LINGO2: variants seen among roughly 807,000 people sequenced by gnomAD.
LINGO2 encodes leucine-rich repeat and immunoglobulin-like domain-containing nogo receptor-interacting protein 2.
In LINGO2, 14 loss-of-function variants were observed where a neutral mutation model predicts 30.6. The observed-to-expected ratio is 0.46, with a 90% CI of 0.30 to 0.72. The LOEUF (loss-of-function observed/expected upper bound fraction) is 0.72, where lower values mean the gene tolerates loss of function less well. Among genes scored for constraint, LINGO2 ranks in the 30% least tolerant of loss-of-function variants. The pLI is 0.07. For synonymous variants in LINGO2, 317 were observed against 288.5 expected (o/e 1.10, Z -1.00); for missense variants, 729 against 751.7 (o/e 0.97, Z 0.35).
intron 1 of LINGO2, among the ~76,000 whole-genome samples, chr9:28,576,583 A>T (rs908151683): frequency 5.3e-5 from 8 of 152,218 alleles, no homozygotes; most frequent in Non-Finnish European, 8.8e-5. Context: ...TTAGGGTATA[A>T]CTTGAGAATA....
chr9:28,579,189 G>A (rs918718513), intron 1 of LINGO2, among the ~76,000 whole-genome samples: 32 of 151,946 alleles, frequency 2.1e-4, no homozygotes, highest in Admixed American at 1.4e-3. Context: ...TGAGAATCCT[G>A]AGAATTAGCA....
intron 2 of LINGO2, among the ~76,000 whole-genome samples, chr9:28,462,248 G>C (rs556368614): frequency 6.6e-6 from 1 of 151,990 alleles, no homozygotes; most frequent in East Asian, 1.9e-4. Flanking sequence ...AACTGTTGCA[G>C]AATCCCTAAG....
At chr9:29,029,668 A>G in the LINGO2 span, among the ~76,000 whole-genome samples, 1 of 152,116 alleles carries the variant, frequency 6.6e-6, no homozygotes, top group Non-Finnish European at 1.5e-5. Context: ...AAAGCCAAGA[A>G]AATGCATCAC....
intron 4 of LINGO2, among the ~76,000 whole-genome samples, chr9:28,293,967 T>A (rs1256680650): frequency 6.6e-6 from 1 of 152,186 alleles, no homozygotes; most frequent in African/African-American, 2.4e-5. Flanking sequence ...ATGTGAGTAA[T>A]CCACTTTGCC....
the LINGO2 span, among the ~76,000 whole-genome samples, chr9:29,022,363 G>A: frequency 5.3e-5 from 8 of 152,238 alleles, no homozygotes; most frequent in East Asian, 1.2e-3. Context: ...TCACACTCAC[G>A]CAGAATGGTG....
At chr9:28,490,461 T>C (rs16913201) in intron 1 of LINGO2, among the ~76,000 whole-genome samples, 2,227 of 152,256 alleles carry the variant, frequency 0.015, 53 homozygotes, top group African/African-American at 0.05. Context: ...GTAAATCTCA[T>C]AGAGTGGGAG....
intron 1 of LINGO2, among the ~76,000 whole-genome samples, chr9:28,646,977 C>G (rs1055750919): frequency 6.6e-6 from 1 of 151,962 alleles, no homozygotes. Flanking sequence ...AGACATAATT[C>G]CAGAATGTGG....
the LINGO2 span, among the ~76,000 whole-genome samples, chr9:28,874,744 TGAAATGC>T: frequency 6.6e-6 from 1 of 152,124 alleles, no homozygotes; most frequent in Non-Finnish European, 1.5e-5. Flanking sequence ...TTTCTAGATG[TGAAATGC>T]TTTACTTTTA....
At chr9:28,222,659 T>G (rs1821007456) in intron 4 of LINGO2, among the ~76,000 whole-genome samples, 1 of 152,206 alleles carries the variant, frequency 6.6e-6, no homozygotes, top group Admixed American at 6.5e-5. Flanking sequence ...TTTGATTTGG[T>G]TTAATAACTA....
Position 28,581,023 on chromosome 9 carries a change from A to C in LINGO2, c.-365+89177T>G, listed in dbSNP as rs563168305. On this transcript the variant is annotated intron_variant, in intron 1 of 5. Coordinates refer to ENST00000379992, the Ensembl canonical transcript of LINGO2. ...GGTGCATAGGGAGAGAAACGACAGT[A>C]ACATAGTTTCTCCCTTCTTAAAAAC... is the stretch of plus-strand genomic sequence containing the variant. 9.9e-5 allele frequency among the ~76,000 whole-genome samples: 15 copies of C among 152,178 alleles called. 2 individuals carry two copies. Among genetic ancestry groups the C allele is most frequent in the Middle Eastern group, 3.4e-3 (1 of 294 alleles).
the LINGO2 span, among the ~76,000 whole-genome samples, chr9:29,028,427 G>GGGGGT: frequency 0.025 from 3,058 of 123,690 alleles, 133 homozygotes; most frequent in African/African-American, 0.052. Flanking sequence ...TGTGGGGGGG[G>GGGGGT]GTGAGAGAGA....
the LINGO2 span, among the ~76,000 whole-genome samples, chr9:29,060,163 A>C: frequency 1.3e-5 from 2 of 152,050 alleles, no homozygotes; most frequent in Non-Finnish European, 2.9e-5. Context: ...TCACAGAGCA[A>C]ATGAGCAGAG....
the LINGO2 span, among the ~76,000 whole-genome samples, chr9:29,167,396 G>A: frequency 1.3e-5 from 2 of 152,090 alleles, no homozygotes; most frequent in Non-Finnish European, 2.9e-5. Context: ...CACCAGAAGC[G>A]ATCCTCAGAC....
At chr9:28,675,266 G>A (rs186669075), upstream of LINGO2, among the ~76,000 whole-genome samples, 33 of 152,242 alleles carry the variant, frequency 2.2e-4, no homozygotes, top group Admixed American at 1.8e-3. Flanking sequence ...TTTCAAAACT[G>A]AATGGCTTTG....
chr9:28,857,309 G>A, the LINGO2 span, among the ~76,000 whole-genome samples: 2 of 152,026 alleles, frequency 1.3e-5, no homozygotes, highest in East Asian at 3.9e-4. Flanking sequence ...AACAACAAAA[G>A]CAATTACTAG....
chr9:28,900,454 C>T, the LINGO2 span, among the ~76,000 whole-genome samples: 1 of 152,304 alleles, frequency 6.6e-6, no homozygotes, highest in African/African-American at 2.4e-5. Context: ...AGGCTCCAGC[C>T]AGCCTCAAGG....
At chr9:28,101,655 G>A (rs371137366) in intron 4 of LINGO2, among the ~76,000 whole-genome samples, 2 of 152,098 alleles carry the variant, frequency 1.3e-5, no homozygotes, top group Non-Finnish European at 2.9e-5. Context: ...GAATGCCCAC[G>A]GACAAGGGAA....
At chr9:28,193,075 G>T (rs1819879307) in intron 4 of LINGO2, among the ~76,000 whole-genome samples, 1 of 152,120 alleles carries the variant, frequency 6.6e-6, no homozygotes, top group African/African-American at 2.4e-5. Context: ...ATTCCTAGAG[G>T]AATCAAGATG....
intron 2 of LINGO2, among the ~76,000 whole-genome samples, chr9:28,444,907 G>A (rs563184075): frequency 1.5e-4 from 23 of 152,282 alleles, no homozygotes; most frequent in Admixed American, 1.2e-3. Context: ...CAGTCTGCTG[G>A]GCCAAGTGGG....
Sources: allele counts gnomAD v4.1 joint callset (sites outside exome capture counted in the v4.1 genomes callset), GRCh38; gene constraint gnomAD v4.1.1; transcripts MANE v1.5; gene names NCBI Gene and HGNC (gene_info 2026-07-23, HGNC 2026-07-21).